The following CTCF variants were observed in gnomAD, a reference collection of about 807,000 sequenced individuals.
CTCF encodes transcriptional repressor CTCF.
A neutral mutation model predicts 72.3 loss-of-function variants in CTCF; 7 were observed. The ratio of observed to expected loss-of-function variants is 0.10; its 90% CI spans 0.06 to 0.18. The LOEUF (loss-of-function observed/expected upper bound fraction) is 0.18. CTCF is among the 10% of genes least tolerant of loss of function. CTCF has a pLI of 1.00. For synonymous variants in CTCF, 374 were observed against 315.8 expected (o/e 1.18, Z -1.95); for missense variants, 516 against 949.1 (o/e 0.54, Z 6.00).
chr16:67,565,402 C>T (rs1597670991), intron 1 of CTCF, among the ~76,000 whole-genome samples: 3 of 150,966 alleles, frequency 2.0e-5, no homozygotes, highest in Non-Finnish European at 2.9e-5. Context: ...TGGCTGGGAG[C>T]GGTGGCTCAC....
rs1159381940 is a variant in CTCF, at chr16:67,598,651, C to T, written c.-9-12173C>T. Among the ~76,000 whole-genome samples, 3 of 152,190 alleles carry T rather than the reference C, an allele frequency of 2.0e-5. No individual in the cohort carries two copies. In the East Asian group the frequency reaches 5.8e-4, roughly 29 times the overall value. On this transcript the variant is annotated intron_variant, in intron 2 of 11. Coordinates refer to ENST00000264010, the MANE Select transcript of CTCF (RefSeq NM_006565.4). ...AAAGCTTTTCCAAGTATTTAACTCCCAGTGCAATTTCTCCCACATATCTTT... is the reference window on the plus strand; with the variant it reads ...AAAGCTTTTCCAAGTATTTAACTCCTAGTGCAATTTCTCCCACATATCTTT...
At position 67,626,664 on chromosome 16, in the gene CTCF, C is replaced by T. The variant is rs774469488; in HGVS notation, c.1467C>T (p.His489=). Residue 489 remains histidine, a synonymous_variant, in exon 8 of 12, where the codon CAC becomes CAT. Coordinates refer to ENST00000264010, the MANE Select transcript of CTCF (RefSeq NM_006565.4). ...CCCTCATCCAGCATCAGAAGTCACA[C>T]AAGAATGAGAAGCGCTTTAAGTGTG... ...RYALIQHQKS[H]KNEKRFKCDQ... 2 of 1,564,066 alleles carry T rather than the reference C, an allele frequency of 1.3e-6. No individual in the cohort carries two copies. The highest frequency in any genetic ancestry group is 1.7e-6 in the Non-Finnish European group (2 of 1,153,958).
intron 2 of CTCF, among the ~76,000 whole-genome samples, chr16:67,599,520 G>A (rs952601807): frequency 6.6e-6 from 1 of 152,142 alleles, no homozygotes; most frequent in African/African-American, 2.4e-5. Flanking sequence ...ATTCAGCAGG[G>A]GCAGAGAAGC....
At chr16:67,574,496 C>A (rs1451474669) in intron 2 of CTCF, among the ~76,000 whole-genome samples, 2 of 151,698 alleles carry the variant, frequency 1.3e-5, no homozygotes, top group Non-Finnish European at 2.9e-5. Context: ...CGTTCACCCC[C>A]ACGCCTGGCT....
At chr16:67,620,626 G>A in intron 5 of CTCF, 71 bp from the exon 6 acceptor site, 8 of 1,341,102 alleles carry the variant, frequency 6.0e-6, no homozygotes, top group Non-Finnish European at 8.0e-6. Flanking sequence ...AAGCTTTTGT[G>A]CCTAACCTAC....
At chr16:67,579,343 A>G (rs1223967788) in intron 2 of CTCF, among the ~76,000 whole-genome samples, 2 of 151,802 alleles carry the variant, frequency 1.3e-5, no homozygotes, top group East Asian at 1.9e-4. Context: ...GTTGTTTTCA[A>G]TCTTTGTTTT....
intron 2 of CTCF, among the ~76,000 whole-genome samples, chr16:67,602,199 A>G (rs375914658): frequency 5.9e-5 from 9 of 152,108 alleles, no homozygotes; most frequent in African/African-American, 1.2e-4. Context: ...TAAGTTTTCA[A>G]ATTCACACCA....
At chr16:67,630,019 G>A (rs538922055) in intron 10 of CTCF, among the ~76,000 whole-genome samples, 3 of 151,524 alleles carry the variant, frequency 2.0e-5, no homozygotes, top group South Asian at 2.1e-4. Flanking sequence ...CTCATGATCC[G>A]CCCTCCTCAG....
intron 2 of CTCF, among the ~76,000 whole-genome samples, chr16:67,603,899 C>A (rs1319167124): frequency 6.6e-6 from 1 of 150,530 alleles, no homozygotes; most frequent in Non-Finnish European, 1.5e-5. Context: ...GAGGCTGAGG[C>A]GGGCAGATGA....
At chr16:67,564,450 G>A (rs1217137130) in intron 1 of CTCF, among the ~76,000 whole-genome samples, 4 of 152,166 alleles carry the variant, frequency 2.6e-5, no homozygotes, top group African/African-American at 9.7e-5. Flanking sequence ...AGTCCTCTTC[G>A]TAGGCACGCT....
chr16:67,635,892 C>T (rs906211902), intron 10 of CTCF, among the ~76,000 whole-genome samples: 1 of 152,072 alleles, frequency 6.6e-6, no homozygotes, highest in Non-Finnish European at 1.5e-5. Context: ...TCCCAACGTG[C>T]TGGGATTACA....
intron 10 of CTCF, 62 bp from the exon 11 acceptor site, chr16:67,636,623 GTTTTC>G: frequency 9.6e-7 from 1 of 1,038,846 alleles, no homozygotes; most frequent in Non-Finnish European, 1.3e-6. Context: ...ATATATAATT[GTTTTC>G]TTTCATCTTC....
At chr16:67,594,383 C>CAAA (rs749617312) in intron 2 of CTCF, among the ~76,000 whole-genome samples, 4 of 68,596 alleles carry the variant, frequency 5.8e-5, no homozygotes, top group African/African-American at 2.2e-4. Flanking sequence ...GACCCTGTCT[C>CAAA]AAAAAAAAAA....
At position 67,576,696 on chromosome 16, in the gene CTCF, A is replaced by G. The variant is rs1329222318; in HGVS notation, c.-10+5432A>G. On this transcript the variant is annotated intron_variant, in intron 2 of 11. Coordinates refer to ENST00000264010, the MANE Select transcript of CTCF (RefSeq NM_006565.4). ...AGCCTCCTGAGTAGCTAGAACCGCT[A>G]ATTTTTTGTGTTTTTAGTAGAGATG... Among the ~76,000 whole-genome samples the G allele has an allele frequency of 3.3e-5, 5 of 151,348 alleles. No individual in the cohort carries two copies. In the East Asian group the frequency reaches 5.9e-4, roughly 18 times the overall value.
intron 11 of CTCF, 28 bp downstream of exon 11, chr16:67,636,879 C>G: frequency 6.9e-7 from 1 of 1,457,258 alleles, no homozygotes. Flanking sequence ...GCTCTGGAGG[C>G]TGGCGTCTTC....
intron 2 of CTCF, among the ~76,000 whole-genome samples, chr16:67,608,583 C>T (rs946996301): frequency 8.5e-5 from 13 of 152,072 alleles, no homozygotes; most frequent in African/African-American, 2.9e-4. Flanking sequence ...TTCAGTTATG[C>T]AAGATGAGTA....
intron 10 of CTCF, among the ~76,000 whole-genome samples, chr16:67,632,122 G>T (rs1418927425): frequency 1.3e-5 from 2 of 151,438 alleles, no homozygotes; most frequent in Non-Finnish European, 2.9e-5. Flanking sequence ...ACTGTTGGGG[G>T]TTTTCAGAAA....
chr16:67,569,796 C>T (rs1189894929), intron 1 of CTCF, among the ~76,000 whole-genome samples: 1 of 151,714 alleles, frequency 6.6e-6, no homozygotes, highest in Non-Finnish European at 1.5e-5. Flanking sequence ...GGCGATTCTC[C>T]TGCCTCAGCC....
At chr16:67,618,704 A>C (rs2053132979) in intron 5 of CTCF, among the ~76,000 whole-genome samples, 1 of 152,238 alleles carries the variant, frequency 6.6e-6, no homozygotes, top group African/African-American at 2.4e-5. Context: ...TAAGATAAGC[A>C]TACAGAAATC....
Sources: gnomAD v4.1 joint callset for allele counts (sites outside exome capture counted in the v4.1 genomes callset) on GRCh38, gnomAD v4.1.1 for gene constraint, MANE v1.5 for transcripts, NCBI Gene and HGNC (gene_info 2026-07-23, HGNC 2026-07-21) for gene names.